The following PTPRM variants were observed in gnomAD, a reference collection of about 807,000 sequenced individuals.
PTPRM encodes the protein receptor-type tyrosine-protein phosphatase mu.
Under a neutral mutation model 186.7 loss-of-function variants are expected in PTPRM, and 47 were observed. That is an observed-to-expected ratio of 0.25 (90% CI 0.20 to 0.32). PTPRM has a LOEUF of 0.32. Ranked by LOEUF, PTPRM falls within the 10% of genes least tolerant of loss-of-function variation. The probability of loss-of-function intolerance (pLI) is 1.00; values close to 1 mark genes in which losing one functional copy is unlikely to be tolerated. For synonymous variants in PTPRM, 668 were observed against 674.9 expected, an observed-to-expected ratio of 0.99 and a Z score of 0.16; for missense variants, 1,494 against 1,865.0, an observed-to-expected ratio of 0.80 and a Z score of 3.66.
intron 2 of PTPRM, among the ~76,000 whole-genome samples, chr18:7,798,709 C>T (rs1236439219): frequency 1.3e-5 from 2 of 152,072 alleles, no homozygotes; most frequent in African/African-American, 2.4e-5. Flanking sequence ...CATTTTCCCT[C>T]TTCCTTTCTC....
chr18:7,626,839 A>G (rs982130606), intron 1 of PTPRM, among the ~76,000 whole-genome samples: 40 of 152,122 alleles, frequency 2.6e-4, no homozygotes, highest in African/African-American at 9.4e-4. Flanking sequence ...GCTCCTGAGT[A>G]TCTGGAACTC....
chr18:8,045,127 A>G (rs1384671274), intron 7 of PTPRM, among the ~76,000 whole-genome samples: 3 of 152,202 alleles, frequency 2.0e-5, no homozygotes, highest in Non-Finnish European at 4.4e-5. Flanking sequence ...CAGGCTGATT[A>G]CTTGAGCTGA....
intron 7 of PTPRM, among the ~76,000 whole-genome samples, chr18:8,021,429 T>C (rs2085227133): frequency 6.6e-6 from 1 of 151,958 alleles, no homozygotes; most frequent in African/African-American, 2.4e-5. Context: ...CATATACATG[T>C]GCCATGGTGG....
intron 2 of PTPRM, among the ~76,000 whole-genome samples, chr18:7,808,902 A>G (rs1001991890): frequency 1.3e-5 from 2 of 152,234 alleles, no homozygotes; most frequent in African/African-American, 4.8e-5. Flanking sequence ...TTCACATCTG[A>G]TTTGTAGCAC....
chr18:8,269,734 A>G (rs1159249844), intron 19 of PTPRM, among the ~76,000 whole-genome samples: 2 of 152,072 alleles, frequency 1.3e-5, no homozygotes, highest in East Asian at 1.9e-4. Flanking sequence ...AAACTCATGC[A>G]TATATGATCA....
chr18:7,647,426 G>A (rs1361786805), intron 1 of PTPRM, among the ~76,000 whole-genome samples: 1 of 152,174 alleles, frequency 6.6e-6, no homozygotes, highest in Non-Finnish European at 1.5e-5. Context: ...TATTAGGTAA[G>A]TTATTGTGAC....
chr18:8,182,941 C>G (rs2093596118), intron 14 of PTPRM, among the ~76,000 whole-genome samples: 1 of 152,164 alleles, frequency 6.6e-6, no homozygotes, highest in African/African-American at 2.4e-5. Context: ...GAGAACAGTG[C>G]TCTATGTGCG....
chr18:7,946,356 AT>A (rs1423197975), intron 5 of PTPRM, among the ~76,000 whole-genome samples: 3 of 152,246 alleles, frequency 2.0e-5, no homozygotes, highest in Non-Finnish European at 2.9e-5. Flanking sequence ...AGATAAATAA[AT>A]GGATAGATAG....
At chr18:8,037,707 T>G (rs1472868914) in intron 7 of PTPRM, among the ~76,000 whole-genome samples, 2 of 152,124 alleles carry the variant, frequency 1.3e-5, no homozygotes, top group Non-Finnish European at 2.9e-5. Context: ...CTTAAGTGAG[T>G]TAATTTCCTT....
chr18:7,576,409 A>G (rs1332066205), intron 1 of PTPRM, among the ~76,000 whole-genome samples: 1 of 152,158 alleles, frequency 6.6e-6, no homozygotes, highest in Non-Finnish European at 1.5e-5. Context: ...CTCACAGGTA[A>G]CAGGTAGGCT....
At position 8,076,665 on chromosome 18, in the gene PTPRM, T is replaced by C; in HGVS notation, c.1551+101T>C. On this transcript the variant is annotated intron_variant, in intron 9 of 32. Transcript: ENST00000580170. ...AAAATGCATACTTACATAATATATT[T>C]TAAGAAGTTTAATGCTTTCAGTAGT... The C allele has an allele frequency of 5.1e-6, 3 of 592,666 alleles. No individual in the cohort carries two copies. The South Asian group carries it at 8.1e-5, about 16-fold the overall frequency. 36.7% of individuals were successfully genotyped at this position (592,666 alleles called of 1,614,324 possible). A position where few individuals can be genotyped will look rare whatever the true frequency, so the allele number is the denominator to read the frequency against.
chr18:7,762,546 G>A (rs920841998), intron 1 of PTPRM, among the ~76,000 whole-genome samples: 2 of 152,174 alleles, frequency 1.3e-5, no homozygotes, highest in African/African-American at 2.4e-5. Flanking sequence ...AGTACTATCC[G>A]ATGGACAATA....
At chr18:7,641,101 T>G (rs183730074) in intron 1 of PTPRM, among the ~76,000 whole-genome samples, 270 of 152,328 alleles carry the variant, frequency 1.8e-3, no homozygotes, top group African/African-American at 6.2e-3. Flanking sequence ...TTCTTTCTCT[T>G]TGTCCCGGAG....
intron 14 of PTPRM, among the ~76,000 whole-genome samples, chr18:8,205,734 T>C (rs932204909): frequency 1.3e-5 from 2 of 152,314 alleles, no homozygotes; most frequent in Admixed American, 1.3e-4. Flanking sequence ...CAGGACATAG[T>C]GTCAGATTGT....
rs186670023 is a variant in PTPRM at position 7,572,566 on chromosome 18, T to G, written c.73+4675T>G. On this transcript the variant is annotated intron_variant, in intron 1 of 32. Coordinates refer to ENST00000580170, the MANE Select transcript of PTPRM (RefSeq NM_001105244.2). The stretch of plus-strand genomic sequence containing the variant: ...TTTTTGTTTTAGATTTCATTAAGTT[T>G]CTAGAATGAGCATGTATTATCTAAA... Among the ~76,000 whole-genome samples the G allele has an allele frequency of 3.9e-5, 6 of 152,326 alleles. No homozygotes were observed. The East Asian group carries it at 1.2e-3, about 29-fold the overall frequency.
At chr18:8,068,589 A>G (rs1259609028) in intron 7 of PTPRM, among the ~76,000 whole-genome samples, 2 of 152,190 alleles carry the variant, frequency 1.3e-5, no homozygotes, top group East Asian at 1.9e-4. Flanking sequence ...CTAAAATAAG[A>G]TTACTAAAAA....
At chr18:8,019,981 T>C (rs1318845950) in intron 7 of PTPRM, among the ~76,000 whole-genome samples, 1 of 151,838 alleles carries the variant, frequency 6.6e-6, no homozygotes, top group Non-Finnish European at 1.5e-5. Context: ...AAGGGGACCT[T>C]TTTACTTCTT....
chr18:8,394,053 A>G (rs1196447648), intron 31 of PTPRM, among the ~76,000 whole-genome samples: 1 of 152,184 alleles, frequency 6.6e-6, no homozygotes, highest in Admixed American at 6.5e-5. Context: ...TGGCCTCCCA[A>G]AGTGCTGGGA....
At chr18:8,250,482 A>T (rs552858932) in intron 17 of PTPRM, among the ~76,000 whole-genome samples, 15 of 152,046 alleles carry the variant, frequency 9.9e-5, no homozygotes, top group East Asian at 7.7e-4. Context: ...ATTTTTAATT[A>T]AAAAAAATGT....
Sources: gnomAD v4.1 joint callset for allele counts (sites outside exome capture counted in the v4.1 genomes callset) on GRCh38, gnomAD v4.1.1 for gene constraint, MANE v1.5 for transcripts, NCBI Gene and HGNC (gene_info 2026-07-23, HGNC 2026-07-21) for gene names.